Variants in PLEKHA8 observed in about 807,000 individuals in gnomAD.
PLEKHA8 encodes pleckstrin homology domain-containing family A member 8.
A neutral mutation model predicts 68.2 loss-of-function variants in PLEKHA8; 36 were observed. That is an observed-to-expected ratio of 0.53 (90% CI 0.40 to 0.70). The LOEUF is 0.70. PLEKHA8 is among the 30% of genes least tolerant of loss of function. PLEKHA8 has a pLI of 0.00. For synonymous variants in PLEKHA8, 211 were observed against 216.1 expected (o/e 0.98, Z 0.20); for missense variants, 505 against 615.4 (o/e 0.82, Z 1.90).
At chr7:30,056,959 GTTTA>G (rs1007963244) in intron 9 of PLEKHA8, among the ~76,000 whole-genome samples, 78 of 147,036 alleles carry the variant, frequency 5.3e-4, no homozygotes, top group African/African-American at 1.7e-3. Flanking sequence ...ATATAAAAAA[GTTTA>G]TTTAGGTCAA....
At chr7:30,041,650 C>G (rs1791547722) in intron 1 of PLEKHA8, among the ~76,000 whole-genome samples, 1 of 152,120 alleles carries the variant, frequency 6.6e-6, no homozygotes, top group African/African-American at 2.4e-5. Context: ...CTGCCTCAGT[C>G]TCCTAAAGTG....
At chr7:30,121,617 A>AGACCC (rs1796699166) in intron 13 of PLEKHA8, among the ~76,000 whole-genome samples, 1 of 150,288 alleles carries the variant, frequency 6.7e-6, no homozygotes, top group Non-Finnish European at 1.5e-5. Context: ...CGACAGAGCG[A>AGACCC]GACCCTGTCT....
At chr7:30,116,280 A>G (rs148879062) in intron 13 of PLEKHA8, among the ~76,000 whole-genome samples, 1,907 of 151,596 alleles carry the variant, frequency 0.013, 29 homozygotes, top group Non-Finnish European at 0.016. Context: ...GTATGTATGT[A>G]TACATGTATG....
rs1407293564 is a variant in PLEKHA8, at chr7:30,049,577, A to T, written c.597+195A>T. 25 of 636,052 alleles carry T rather than the reference A, an allele frequency of 3.9e-5. No homozygotes were observed. The East Asian group carries it at 6.9e-4, about 18-fold the overall frequency. The allele number at this position is 636,052 out of a possible 1,614,324, so 39.4% of individuals were successfully genotyped here. Reference sequence around the variant, plus strand: ...TTATTTGTGGCAATTTTACCACCTAAACATGTTTCTAATGTAGCCTCTTTC... The same window carrying T: ...TTATTTGTGGCAATTTTACCACCTATACATGTTTCTAATGTAGCCTCTTTC... On this transcript the variant is annotated intron_variant, in intron 5 of 13. Transcript: ENST00000449726.
At chr7:30,062,113 T>G (rs1793492497) in intron 11 of PLEKHA8, 86 bp downstream of exon 11, 1 of 1,452,998 alleles carries the variant, frequency 6.9e-7, no homozygotes, top group Admixed American at 2.5e-5. Flanking sequence ...AGGAGACTAC[T>G]TCTGAGTGAA....
chr7:30,067,423 T>A (rs1793930960), intron 12 of PLEKHA8, among the ~76,000 whole-genome samples: 2 of 152,164 alleles, frequency 1.3e-5, no homozygotes, highest in South Asian at 4.1e-4. Flanking sequence ...TGAGCCATGT[T>A]TGCACCATTG....
Position 30,081,303 on chromosome 7 carries a change from A to ATTT in PLEKHA8, c.*2517_*2518insTTT. 1 of 985,318 alleles carries ATTT rather than the reference A, an allele frequency of 1.0e-6. No individual in the cohort carries two copies. Among genetic ancestry groups the ATTT allele is most frequent in the Non-Finnish European group, 1.2e-6 (1 of 829,830 alleles). 61.0% of individuals were successfully genotyped at this position (985,318 alleles called of 1,614,324 possible). A position where few individuals can be genotyped will look rare whatever the true frequency, so the allele number is the denominator to read the frequency against. Reference sequence around the variant, plus strand: ...AGCATATTACGTTTGCCTAAGATGTATAAAAGTTTGTTTAAGATGTGTAAA... The same window carrying ATTT: ...AGCATATTACGTTTGCCTAAGATGTATTTTAAAAGTTTGTTTAAGATGTGTAAA... On this transcript the variant is annotated 3_prime_UTR_variant, in exon 14 of 14. Coordinates refer to ENST00000449726, the MANE Select transcript of PLEKHA8 (RefSeq NM_001197026.2).
chr7:30,092,562 G>C (rs1795459892), downstream of PLEKHA8, among the ~76,000 whole-genome samples: 1 of 152,200 alleles, frequency 6.6e-6, no homozygotes, highest in Non-Finnish European at 1.5e-5. Context: ...CTGAGCATTA[G>C]GATGCACCTG....
intron 5 of PLEKHA8, 59 bp downstream of exon 5, chr7:30,049,441 A>G (rs764010357): frequency 1.3e-5 from 20 of 1,583,818 alleles, no homozygotes; most frequent in Non-Finnish European, 1.6e-5. Flanking sequence ...CAAAGTTTAT[A>G]GTGAGTTATG....
chr7:30,040,541 C>T (rs1330764158), intron 1 of PLEKHA8, among the ~76,000 whole-genome samples: 1 of 152,200 alleles, frequency 6.6e-6, no homozygotes, highest in Non-Finnish European at 1.5e-5. Flanking sequence ...GGATGTGAAG[C>T]TTCATTTAGG....
At chr7:30,091,272 G>C (rs1299289464), downstream of PLEKHA8, among the ~76,000 whole-genome samples, 1 of 130,442 alleles carries the variant, frequency 7.7e-6, no homozygotes, top group Non-Finnish European at 1.7e-5. Context: ...TTTTTTTTTT[G>C]TACTTTACTA....
At chr7:30,106,022 T>C (rs985190020) in intron 13 of PLEKHA8, among the ~76,000 whole-genome samples, 1 of 152,138 alleles carries the variant, frequency 6.6e-6, no homozygotes, top group African/African-American at 2.4e-5. Flanking sequence ...CCTAATAATT[T>C]TGTAGTTTTT....
rs967926736 is a variant in PLEKHA8 at position 30,077,828 on chromosome 7, T to G, written c.1363-762T>G. Among the ~76,000 whole-genome samples, 4 of 152,154 alleles carry G rather than the reference T, an allele frequency of 2.6e-5. No individual in the cohort carries two copies. In the South Asian group the frequency reaches 8.3e-4, roughly 32 times the overall value. ...GCCAGAAAACAGATTTTAGCAAGCT[T>G]AGGAAATATTGGCCCGCAAAGGAAG... On this transcript the variant is annotated intron_variant, in intron 13 of 13. Coordinates refer to ENST00000449726, the MANE Select transcript of PLEKHA8 (RefSeq NM_001197026.2).
intron 12 of PLEKHA8, among the ~76,000 whole-genome samples, chr7:30,066,188 G>A (rs1308445778): frequency 6.6e-6 from 1 of 152,162 alleles, no homozygotes; most frequent in Non-Finnish European, 1.5e-5. Flanking sequence ...ATCATAATTA[G>A]ACAGCTTTCC....
intron 12 of PLEKHA8, among the ~76,000 whole-genome samples, chr7:30,064,705 A>T (rs1255420190): frequency 1.3e-5 from 2 of 152,232 alleles, no homozygotes; most frequent in Non-Finnish European, 2.9e-5. Flanking sequence ...AGTAATGGAA[A>T]GTTTACAAAG....
intron 9 of PLEKHA8, among the ~76,000 whole-genome samples, chr7:30,060,258 A>G (rs1793331005): frequency 3.3e-5 from 5 of 152,154 alleles, no homozygotes; most frequent in Admixed American, 3.3e-4. Context: ...CCTGGCCAAC[A>G]TGGTGAAGCC....
intron 13 of PLEKHA8, among the ~76,000 whole-genome samples, chr7:30,101,586 C>T (rs1795856386): frequency 6.6e-6 from 1 of 152,138 alleles, no homozygotes; most frequent in Non-Finnish European, 1.5e-5. Context: ...CTAAGCACCT[C>T]CCAAAGGCCC....
At chr7:30,044,179 G>T (rs560202799) in intron 1 of PLEKHA8, among the ~76,000 whole-genome samples, 1 of 152,046 alleles carries the variant, frequency 6.6e-6, no homozygotes, top group African/African-American at 2.4e-5. Flanking sequence ...GCTAATTTTT[G>T]TATTTTTAGT....
chr7:30,089,855 TC>T (rs1357050813), intron 12 of PLEKHA8, among the ~76,000 whole-genome samples: 19 of 151,994 alleles, frequency 1.3e-4, no homozygotes, highest in African/African-American at 4.3e-4. Flanking sequence ...TAAGAAAACT[TC>T]CCTAAAATAA....
Sources: allele counts gnomAD v4.1 joint callset (sites outside exome capture counted in the v4.1 genomes callset), GRCh38; gene constraint gnomAD v4.1.1; transcripts MANE v1.5; gene names NCBI Gene and HGNC (gene_info 2026-07-23, HGNC 2026-07-21).